COL24A1: variants seen among roughly 807,000 people sequenced by gnomAD.
COL24A1 encodes collagen alpha-1(XXIV) chain.
Under a neutral mutation model 253.9 loss-of-function variants are expected in COL24A1, and 224 were observed. The observed-to-expected ratio is 0.88, with a 90% CI of 0.79 to 0.99. COL24A1 has a LOEUF of 0.99. Among genes scored for constraint, COL24A1 ranks in the 50% least tolerant of loss-of-function variants. The pLI is 0.00. For synonymous variants in COL24A1, 685 were observed against 673.7 expected (o/e 1.02, Z -0.26); for missense variants, 2,131 against 2,068.5 (o/e 1.03, Z -0.59).
chr1:85,925,068 C>T (rs1451168687), intron 24 of COL24A1, among the ~76,000 whole-genome samples: 7 of 152,156 alleles, frequency 4.6e-5, no homozygotes, highest in Non-Finnish European at 8.8e-5. Flanking sequence ...AACTCTCATT[C>T]ACAATTGCTT....
At chr1:86,018,372 T>C (rs1012938393) in intron 18 of COL24A1, among the ~76,000 whole-genome samples, 1 of 152,170 alleles carries the variant, frequency 6.6e-6, no homozygotes, top group Non-Finnish European at 1.5e-5. Context: ...TAAGTTTCCC[T>C]TTCCAAATAA....
chr1:85,895,879 T>C lies in COL24A1; in HGVS notation c.2901A>G (p.Glu967=). 6.2e-7 allele frequency: 1 copy of C among 1,609,042 alleles called. No homozygotes were observed. Among genetic ancestry groups the C allele is most frequent in the Non-Finnish European group, 8.5e-7 (1 of 1,178,690 alleles). ...TTACTGGTTTCCCTTGAAATCCTCT[T>C]TCTCCAGGGTTTCCAGTCTTACCCT... The part of the protein sequence containing the change: ...GLIGKTGNPG[E]RGFQGKPGLQ... The change falls in exon 31 of 60, where the codon GAA becomes GAG. Residue 967 remains glutamate (E), a synonymous_variant. Coordinates refer to ENST00000370571, the MANE Select transcript of COL24A1 (RefSeq NM_152890.7).
At chr1:86,126,901 T>C (rs1648392631) in intron 2 of COL24A1, among the ~76,000 whole-genome samples, 2 of 152,182 alleles carry the variant, frequency 1.3e-5, no homozygotes, top group Admixed American at 6.6e-5. Context: ...AAATCTGTGT[T>C]AAAGTGAAAG....
intron 5 of COL24A1, 30 bp from the exon 6 acceptor site, chr1:86,092,350 G>T (rs1280325485): frequency 6.5e-7 from 1 of 1,540,404 alleles, no homozygotes; most frequent in Non-Finnish European, 9.0e-7. Context: ...AACAGTTGGT[G>T]AAGCATAAGT....
Position 86,089,206 on chromosome 1 carries a change from AT to A in COL24A1, c.1674del (p.Leu559Ter). 1 of 1,587,836 alleles carries A rather than the reference AT, an allele frequency of 6.3e-7. No individual in the cohort carries two copies. Among genetic ancestry groups the A allele is most frequent in the Non-Finnish European group, 8.5e-7 (1 of 1,173,384 alleles). Reference sequence around the variant, plus strand: ...CCTTGCATACCAGGGGGGCCCATTAATCCAGAAAGGCCTTGATCACCCTATA... The same window carrying A: ...CCTTGCATACCAGGGGGGCCCATTAACCAGAAAGGCCTTGATCACCCTATA... Reference protein sequence around the residue: ...PGEKGDQGLSGLMGPPGMQGD... With the variant: ...PGEKGDQGLSXLMGPPGMQGD... On this transcript the variant is annotated frameshift_variant, in exon 7 of 60. Coordinates refer to ENST00000370571, the MANE Select transcript of COL24A1 (RefSeq NM_152890.7). LOFTEE classifies it high-confidence loss of function.
chr1:85,794,372 C>T (rs1301720921), intron 47 of COL24A1, among the ~76,000 whole-genome samples: 1 of 152,140 alleles, frequency 6.6e-6, no homozygotes, highest in Non-Finnish European at 1.5e-5. Flanking sequence ...CTACTGACCA[C>T]TCTTGAAGTC....
intron 3 of COL24A1, among the ~76,000 whole-genome samples, chr1:86,122,617 A>C (rs909680711): frequency 2.0e-5 from 3 of 151,926 alleles, no homozygotes; most frequent in Non-Finnish European, 2.9e-5. Flanking sequence ...TGATATCACC[A>C]TTCTCTCAAT....
At chr1:85,872,279 T>C (rs2102561389) in intron 35 of COL24A1, among the ~76,000 whole-genome samples, 1 of 152,252 alleles carries the variant, frequency 6.6e-6, no homozygotes, top group East Asian at 1.9e-4. Flanking sequence ...CCAAGGTAGT[T>C]TATAGATTCA....
intron 7 of COL24A1, among the ~76,000 whole-genome samples, chr1:86,084,503 CT>C (rs1177259874): frequency 1.3e-5 from 2 of 152,166 alleles, no homozygotes; most frequent in East Asian, 3.9e-4. Context: ...TTAAGTAGTA[CT>C]TGGCTTTTTC....
At chr1:85,777,752 T>A (rs1187740868) in intron 52 of COL24A1, among the ~76,000 whole-genome samples, 1 of 152,208 alleles carries the variant, frequency 6.6e-6, no homozygotes, top group African/African-American at 2.4e-5. Context: ...AGTCTGTAAT[T>A]CACATTTTTA....
intron 24 of COL24A1, among the ~76,000 whole-genome samples, chr1:85,916,717 A>G (rs1056558458): frequency 1.8e-4 from 27 of 152,154 alleles, no homozygotes; most frequent in Non-Finnish European, 4.4e-5. Context: ...TCTAACCAAA[A>G]CATATGTCAA....
chr1:85,745,267 T>C (rs1007522568), intron 56 of COL24A1, among the ~76,000 whole-genome samples, 174 bp downstream of exon 56: 2 of 152,110 alleles, frequency 1.3e-5, no homozygotes, highest in African/African-American at 4.8e-5. Context: ...ACGCATATAT[T>C]TCTGTTTAAT....
rs144334188 is a variant in COL24A1 at position 85,748,197 on chromosome 1, T to C, written c.4438-2691A>G. Among the ~76,000 whole-genome samples, 40 of 152,314 alleles carry C rather than the reference T, an allele frequency of 2.6e-4. No individual in the cohort carries two copies. In the East Asian group the frequency reaches 7.5e-3, roughly 29 times the overall value. ...TCCTTGAAATGGAAGGCTAACTTCA[T>C]TCATTTTCAAGAAAATATCTGTGAA... On this transcript the variant is annotated intron_variant, in intron 55 of 59. Transcript: ENST00000370571.
chr1:85,737,861 G>A (rs1664220256), intron 57 of COL24A1, among the ~76,000 whole-genome samples: 1 of 152,070 alleles, frequency 6.6e-6, no homozygotes, highest in Admixed American at 6.5e-5. Flanking sequence ...ACTGTGCCCG[G>A]CCACATCCTT....
At chr1:86,038,664 C>T (rs953981325) in intron 12 of COL24A1, among the ~76,000 whole-genome samples, 6 of 152,110 alleles carry the variant, frequency 3.9e-5, no homozygotes, top group Admixed American at 3.9e-4. Flanking sequence ...GAAGCTAGGT[C>T]ATAAAGATAC....
At chr1:85,754,661 A>C (rs1482752757) in intron 55 of COL24A1, among the ~76,000 whole-genome samples, 2 of 152,074 alleles carry the variant, frequency 1.3e-5, no homozygotes, top group East Asian at 3.9e-4. Context: ...GAAATTCTGA[A>C]GTTAAAAAGT....
intron 14 of COL24A1, among the ~76,000 whole-genome samples, chr1:86,028,316 C>T (rs1014077773): frequency 6.6e-6 from 1 of 152,152 alleles, no homozygotes; most frequent in Non-Finnish European, 1.5e-5. Flanking sequence ...TTGGCTATGG[C>T]CCCACCCAAA....
intron 19 of COL24A1, among the ~76,000 whole-genome samples, chr1:85,988,497 C>G (rs958608803): frequency 6.6e-6 from 1 of 151,970 alleles, no homozygotes. Context: ...TGTGATTCAT[C>G]AAATTATGAT....
At chr1:85,995,199 T>A (rs951051997) in intron 19 of COL24A1, among the ~76,000 whole-genome samples, 1 of 152,188 alleles carries the variant, frequency 6.6e-6, no homozygotes, top group Non-Finnish European at 1.5e-5. Flanking sequence ...TCAATCAAGC[T>A]GGAGTACAGT....
Sources: allele counts gnomAD v4.1 joint callset (sites outside exome capture counted in the v4.1 genomes callset), GRCh38; gene constraint gnomAD v4.1.1; transcripts MANE v1.5; gene names NCBI Gene and HGNC (gene_info 2026-07-23, HGNC 2026-07-21).